The following RALYL variants were observed in gnomAD, a reference collection of about 807,000 sequenced individuals.
The protein encoded by RALYL is RALY RNA binding protein like.
Under a neutral mutation model 35.1 loss-of-function variants are expected in RALYL, and 29 were observed. The observed-to-expected ratio is 0.83, with a 90% CI of 0.61 to 1.13. The LOEUF (loss-of-function observed/expected upper bound fraction) is 1.13. Ranked by LOEUF, RALYL falls within the 50% of genes most tolerant of loss-of-function variation. RALYL has a pLI of 0.00. For missense variants in RALYL, 359 were observed against 360.4 expected (o/e 1.00, Z 0.03); for synonymous variants, 120 against 127.6 (o/e 0.94, Z 0.40).
intron 1 of RALYL, among the ~76,000 whole-genome samples, chr8:84,497,325 T>G (rs1212042453): frequency 2.6e-5 from 4 of 152,186 alleles, no homozygotes; most frequent in Non-Finnish European, 5.9e-5. Flanking sequence ...AAGTGTGACT[T>G]GTACCTTTCA....
chr8:84,782,433 C>A (rs528251832), intron 3 of RALYL, among the ~76,000 whole-genome samples: 1 of 152,280 alleles, frequency 6.6e-6, no homozygotes, highest in South Asian at 2.1e-4. Context: ...GAATAGTAAA[C>A]CAAGCATGGG....
intron 1 of RALYL, among the ~76,000 whole-genome samples, chr8:84,412,732 A>C (rs1006185716): frequency 3.3e-5 from 5 of 152,044 alleles, no homozygotes; most frequent in Non-Finnish European, 7.4e-5. Context: ...GGCTCCTTAG[A>C]GAGGAAATAG....
At chr8:84,803,266 C>T (rs987244382) in intron 3 of RALYL, among the ~76,000 whole-genome samples, 4 of 152,146 alleles carry the variant, frequency 2.6e-5, no homozygotes, top group African/African-American at 7.2e-5. Context: ...GTACCATTAT[C>T]GTGTTGATGG....
At position 84,620,097 on chromosome 8, in the gene RALYL, T is replaced by C. The variant is rs557132336; in HGVS notation, c.256+90520T>C. On this transcript the variant is annotated intron_variant, in intron 2 of 8. Coordinates refer to ENST00000521268, the MANE Select transcript of RALYL (RefSeq NM_173848.7). ...TTGGAGTTGCTCTTCTCGAGGAGTA[T>C]CTTTGTGGCATTCTCTGTATTTCCT... Among the ~76,000 whole-genome samples the C allele has an allele frequency of 9.9e-5, 15 of 152,124 alleles. No homozygotes were observed. The South Asian group carries it at 1.0e-3, about 11-fold the overall frequency.
rs113381790 is a variant in RALYL at position 84,598,392 on chromosome 8, C to A, written c.256+68815C>A. ...TCTGTAGAAGGAGTATTGAGATCAT[C>A]TCCTCCAGGGAAACTCTGTAGACCT... On this transcript the variant is annotated intron_variant, in intron 2 of 8. Coordinates refer to ENST00000521268, the MANE Select transcript of RALYL (RefSeq NM_173848.7). Among the ~76,000 whole-genome samples, 1,265 of 152,238 alleles carry A rather than the reference C, an allele frequency of 8.3e-3. 16 individuals are homozygous for A. Among genetic ancestry groups the A allele is most frequent in the African/African-American group, 0.028 (1,178 of 41,554 alleles).
chr8:84,251,500 G>T (rs914890238), intron 1 of RALYL, among the ~76,000 whole-genome samples: 11 of 151,830 alleles, frequency 7.2e-5, no homozygotes, highest in African/African-American at 2.4e-4. Context: ...AAAGAAGCAA[G>T]TTCTATCTAA....
At chr8:84,348,734 A>G (rs1850311971) in intron 1 of RALYL, among the ~76,000 whole-genome samples, 1 of 151,300 alleles carries the variant, frequency 6.6e-6, no homozygotes, top group South Asian at 2.1e-4. Flanking sequence ...TTTAGAACCA[A>G]CTTTTACAAG....
rs369741554 is a variant in RALYL at position 84,448,257 on chromosome 8, G to T, written c.-23-81042G>T. On this transcript the variant is annotated intron_variant, in intron 1 of 8. Transcript: ENST00000521268. Reference sequence around the variant, plus strand: ...ATGTATGTATGTATGGCTTGTGTTTGTGTGGAGGTGTACAAGCATGAATGA... The same window carrying T: ...ATGTATGTATGTATGGCTTGTGTTTTTGTGGAGGTGTACAAGCATGAATGA... Among the ~76,000 whole-genome samples the T allele has an allele frequency of 7.9e-4, 120 of 152,018 alleles. No individual in the cohort carries two copies. The East Asian group carries it at 0.018, about 23-fold the overall frequency.
chr8:84,211,781 C>T lies in RALYL; in HGVS notation c.-24+27357C>T, dbSNP rs373971435. The stretch of plus-strand genomic sequence containing the variant: ...GCAGTCAATCAGAACCATGGGAAAA[C>T]AGATTTAGAATTATAGAAAATACAT... On this transcript the variant is annotated intron_variant, in intron 1 of 8. Coordinates refer to ENST00000521268, the MANE Select transcript of RALYL (RefSeq NM_173848.7). 2.6e-5 allele frequency among the ~76,000 whole-genome samples: 4 copies of T among 152,036 alleles called. No homozygotes were observed. In the South Asian group the frequency reaches 6.2e-4, roughly 24 times the overall value.
intron 2 of RALYL, among the ~76,000 whole-genome samples, chr8:84,714,027 T>TACTC (rs1000660910): frequency 6.6e-6 from 1 of 150,452 alleles, no homozygotes; most frequent in African/African-American, 2.4e-5. Context: ...CACACACACA[T>TACTC]ACTCACACAC....
At chr8:84,844,481 G>A (rs1473228208) in intron 4 of RALYL, among the ~76,000 whole-genome samples, 1 of 152,198 alleles carries the variant, frequency 6.6e-6, no homozygotes, top group Non-Finnish European at 1.5e-5. Context: ...AGGTGCTGGA[G>A]AGGATGTGGA....
chr8:84,359,051 T>C (rs1022059890), intron 1 of RALYL, among the ~76,000 whole-genome samples: 11 of 151,994 alleles, frequency 7.2e-5, no homozygotes, highest in Non-Finnish European at 1.5e-4. Context: ...TAATGACAAA[T>C]TGAAAAGTAT....
At chr8:84,430,898 C>T (rs1022668848) in intron 1 of RALYL, among the ~76,000 whole-genome samples, 7 of 152,020 alleles carry the variant, frequency 4.6e-5, no homozygotes, top group East Asian at 1.9e-4. Context: ...CCTTCCATAC[C>T]GTCAATGACA....
At chr8:84,238,235 T>A (rs1459309529) in intron 1 of RALYL, among the ~76,000 whole-genome samples, 1 of 152,062 alleles carries the variant, frequency 6.6e-6, no homozygotes, top group African/African-American at 2.4e-5. Context: ...GAATTAAAAA[T>A]TGGGAAATAT....
At chr8:84,188,698 C>T (rs72662110) in intron 1 of RALYL, among the ~76,000 whole-genome samples, 12,603 of 152,130 alleles carry the variant, frequency 0.083, 606 homozygotes, top group East Asian at 0.24. Flanking sequence ...TTATACTTGT[C>T]ATCACCCTTC....
chr8:84,452,381 C>A (rs2049590364), intron 1 of RALYL, among the ~76,000 whole-genome samples: 1 of 151,696 alleles, frequency 6.6e-6, no homozygotes, highest in African/African-American at 2.4e-5. Flanking sequence ...TAAAATGTAG[C>A]CCTTATAAAG....
intron 2 of RALYL, among the ~76,000 whole-genome samples, chr8:84,555,381 T>C (rs1017702914): frequency 6.6e-6 from 1 of 152,224 alleles, no homozygotes; most frequent in South Asian, 2.1e-4. Flanking sequence ...TCCATGACAA[T>C]ATGGGAAACC....
At chr8:84,813,773 A>ATACTT (rs139482153) in intron 4 of RALYL, among the ~76,000 whole-genome samples, 3,163 of 152,142 alleles carry the variant, frequency 0.021, 93 homozygotes, top group African/African-American at 0.061. Context: ...TTTTTTTTTA[A>ATACTT]TACTTTAAGT....
intron 4 of RALYL, among the ~76,000 whole-genome samples, chr8:84,849,618 G>A (rs1055312461): frequency 3.3e-5 from 5 of 151,650 alleles, no homozygotes; most frequent in African/African-American, 1.2e-4. Flanking sequence ...GAGTGCAGTG[G>A]CGCGATCTTG....
Sources: allele counts gnomAD v4.1 joint callset (sites outside exome capture counted in the v4.1 genomes callset), GRCh38; gene constraint gnomAD v4.1.1; transcripts MANE v1.5; gene names NCBI Gene and HGNC (gene_info 2026-07-23, HGNC 2026-07-21).